Variants in PRKCI observed in about 807,000 individuals in gnomAD.
PRKCI encodes protein kinase C iota.
A neutral mutation model predicts 84.0 loss-of-function variants in PRKCI; 43 were observed. The ratio of observed to expected loss-of-function variants is 0.51; its 90% CI spans 0.40 to 0.66. The LOEUF (loss-of-function observed/expected upper bound fraction) is 0.66, where lower values mean the gene tolerates loss of function less well. PRKCI is among the 30% of genes least tolerant of loss of function. The pLI is 0.00. For synonymous variants in PRKCI, 216 were observed against 234.4 expected (o/e 0.92, Z 0.72); for missense variants, 459 against 745.6 (o/e 0.62, Z 4.48).
chr3:170,298,650 C>T (rs145350679), intron 16 of PRKCI, among the ~76,000 whole-genome samples: 1,862 of 152,242 alleles, frequency 0.012, 20 homozygotes, highest in Non-Finnish European at 0.019. Flanking sequence ...AGGTGATCTG[C>T]GCACCTTGGC....
At position 170,257,986 on chromosome 3, in the gene PRKCI, G is replaced by A. The variant is rs371560665; in HGVS notation, c.224-1983G>A. Among the ~76,000 whole-genome samples, 18 of 151,898 alleles carry A rather than the reference G, an allele frequency of 1.2e-4. No individual in the cohort carries two copies. The South Asian group carries it at 2.1e-3, about 18-fold the overall frequency. On this transcript the variant is annotated intron_variant, in intron 2 of 17. Coordinates refer to ENST00000295797, the MANE Select transcript of PRKCI (RefSeq NM_002740.6). ...GCCTGAAAGAGGTTTTTGAGAGGGA[G>A]ACTCAGAAACGCCTTTGCCTGAGAA...
chr3:170,271,286 A>G (rs1733999717), intron 6 of PRKCI, among the ~76,000 whole-genome samples: 1 of 152,164 alleles, frequency 6.6e-6, no homozygotes, highest in Non-Finnish European at 1.5e-5. Context: ...CTCATGTCTA[A>G]TCTTGGTTTC....
At chr3:170,245,950 T>TTTTTTTTTTTTTTTTTTTTTTTG (rs1733269235) in intron 2 of PRKCI, among the ~76,000 whole-genome samples, 1 of 44,348 alleles carries the variant, frequency 2.3e-5, no homozygotes, top group Non-Finnish European at 4.0e-5. Context: ...TATGTCTTTG[T>TTTTTTTTTTTTTTTTTTTTTTTG]TTTTTTTTTT....
At chr3:170,245,675 TC>T (rs987754410) in intron 2 of PRKCI, among the ~76,000 whole-genome samples, 1 of 152,166 alleles carries the variant, frequency 6.6e-6, no homozygotes, top group Non-Finnish European at 1.5e-5. Flanking sequence ...CTCTCACTTC[TC>T]CATCCCTAGG....
chr3:170,246,577 G>A (rs1733292581), intron 2 of PRKCI, among the ~76,000 whole-genome samples: 1 of 151,860 alleles, frequency 6.6e-6, no homozygotes, highest in African/African-American at 2.4e-5. Context: ...TTACAGGCAT[G>A]AGCCACCATG....
At position 170,259,491 on chromosome 3, in the gene PRKCI, G is replaced by T. The variant is rs1179256941; in HGVS notation, c.224-478G>T. Among the ~76,000 whole-genome samples, 23 of 152,042 alleles carry T rather than the reference G, an allele frequency of 1.5e-4. 1 individual carries two copies. In the East Asian group the frequency reaches 3.1e-3, roughly 21 times the overall value. On this transcript the variant is annotated intron_variant, in intron 2 of 17. Coordinates refer to ENST00000295797, the MANE Select transcript of PRKCI (RefSeq NM_002740.6). ...TATATGTTACCTACTTCAGAAAATT[G>T]AATTGTCTAAATAAATATCTAAATA...
At chr3:170,273,049 T>C (rs1168716213) in intron 6 of PRKCI, among the ~76,000 whole-genome samples, 1 of 152,248 alleles carries the variant, frequency 6.6e-6, no homozygotes, top group Admixed American at 6.5e-5. Flanking sequence ...TTAATATGAT[T>C]TCTAATTGGT....
intron 4 of PRKCI, among the ~76,000 whole-genome samples, chr3:170,265,276 T>C (rs116176175): frequency 0.016 from 2,360 of 152,066 alleles, 41 homozygotes; most frequent in East Asian, 0.086. Context: ...TTTAACAAGC[T>C]CTTCAGGTGA....
chr3:170,248,098 G>A (rs1033938793), intron 2 of PRKCI, among the ~76,000 whole-genome samples: 4 of 152,196 alleles, frequency 2.6e-5, no homozygotes, highest in African/African-American at 9.7e-5. Flanking sequence ...TCAGGGAGAA[G>A]AATGTGTGAT....
intron 8 of PRKCI, 45 bp from the exon 9 acceptor site, chr3:170,280,182 G>T (rs764536740): frequency 1.3e-6 from 2 of 1,527,910 alleles, no homozygotes; most frequent in Middle Eastern, 2.4e-4. Context: ...AATGTACTAC[G>T]CAAAGCATTT....
rs1207108049 is a variant in PRKCI, at chr3:170,298,402, ATT to A, written c.1588-574_1588-573del. On this transcript the variant is annotated intron_variant, in intron 16 of 17. Transcript: ENST00000295797. ...AGCCATGGTACCCAGCTAATTTTCAATTTTTTTTTTTTTTTTTTTTGAGATGG... is the reference window on the plus strand; with the variant it reads ...AGCCATGGTACCCAGCTAATTTTCAATTTTTTTTTTTTTTTTTTGAGATGG... Among the ~76,000 whole-genome samples the A allele has an allele frequency of 7.4e-3, 965 of 129,542 alleles. 9 individuals are homozygous for A. The highest frequency in any genetic ancestry group is 0.011 in the Non-Finnish European group (667 of 59,762). The allele number at this position is 129,542 out of a possible 152,430, so 85.0% of individuals were successfully genotyped here.
At chr3:170,261,907 T>G (rs1293277545) in intron 3 of PRKCI, among the ~76,000 whole-genome samples, 1 of 152,222 alleles carries the variant, frequency 6.6e-6, no homozygotes, top group African/African-American at 2.4e-5. Context: ...AGAATAAAAT[T>G]ACAATGAATG....
intron 5 of PRKCI, among the ~76,000 whole-genome samples, 183 bp downstream of exon 5, chr3:170,268,183 T>G (rs577143759): frequency 2.6e-5 from 4 of 152,168 alleles, no homozygotes; most frequent in Non-Finnish European, 4.4e-5. Flanking sequence ...TCTCTTTCAC[T>G]CTTAAAAATG....
chr3:170,238,856 G>A (rs1446559793), intron 2 of PRKCI, among the ~76,000 whole-genome samples: 2 of 151,974 alleles, frequency 1.3e-5, no homozygotes, highest in Non-Finnish European at 2.9e-5. Context: ...CTCCCAAAGT[G>A]CTGGGATTAC....
intron 2 of PRKCI, among the ~76,000 whole-genome samples, chr3:170,252,709 C>A (rs1045629882): frequency 6.6e-6 from 1 of 152,134 alleles, no homozygotes; most frequent in Non-Finnish European, 1.5e-5. Context: ...AGCAGTCCTC[C>A]TGCCTCAGCC....
chr3:170,297,873 T>G (rs762681045), intron 16 of PRKCI, among the ~76,000 whole-genome samples: 1 of 152,138 alleles, frequency 6.6e-6, no homozygotes, highest in Non-Finnish European at 1.5e-5. Context: ...CAATTTTTTT[T>G]TAATTTATTA....
Position 170,304,053 on chromosome 3 carries a change from A to G in PRKCI, c.*926A>G, listed in dbSNP as rs1356363614. On this transcript the variant is annotated 3_prime_UTR_variant, in exon 18 of 18. Transcript: ENST00000295797. Reference sequence around the variant, plus strand: ...ACTTTTTATTATGAATCAGATTCCAAATCATTAACTATTTTTGCAAAACTG... The same window carrying G: ...ACTTTTTATTATGAATCAGATTCCAGATCATTAACTATTTTTGCAAAACTG... 6.5e-6 allele frequency: 1 copy of G among 152,912 alleles called. No homozygotes were observed. Among genetic ancestry groups the G allele is most frequent in the Non-Finnish European group, 1.5e-5 (1 of 68,514 alleles). 9.5% of individuals were successfully genotyped at this position (152,912 alleles called of 1,614,324 possible). A position where few individuals can be genotyped will look rare whatever the true frequency, so the allele number is the denominator to read the frequency against.
intron 7 of PRKCI, 115 bp from the exon 8 acceptor site, chr3:170,275,114 A>G: frequency 7.8e-7 from 1 of 1,280,514 alleles, no homozygotes; most frequent in Non-Finnish European, 1.0e-6. Context: ...TTCAGAAGTA[A>G]AAACTAAAAT....
intron 3 of PRKCI, 93 bp downstream of exon 3, chr3:170,260,151 C>A: frequency 1.2e-6 from 1 of 813,710 alleles, no homozygotes; most frequent in Non-Finnish European, 1.9e-6. Context: ...ATCTTAATGT[C>A]ATTTTCTCAA....
Sources: gnomAD v4.1 joint callset for allele counts (sites outside exome capture counted in the v4.1 genomes callset) on GRCh38, gnomAD v4.1.1 for gene constraint, MANE v1.5 for transcripts, NCBI Gene and HGNC (gene_info 2026-07-23, HGNC 2026-07-21) for gene names.